FMR1: variants seen among roughly 807,000 people sequenced by gnomAD.
FMR1 encodes the protein fragile X messenger ribonucleoprotein 1.
FMR1 carries 13 observed loss-of-function variants against 50.6 expected under a neutral mutation model. That is an observed-to-expected ratio of 0.26 (90% confidence interval 0.17 to 0.41). The LOEUF (loss-of-function observed/expected upper bound fraction) is 0.41. Among genes scored for constraint, FMR1 ranks in the 10% least tolerant of loss-of-function variants. The pLI is 1.00. For missense variants in FMR1, 316 were observed against 491.3 expected, an observed-to-expected ratio of 0.64 and a Z score of 3.37; for synonymous variants, 138 against 164.1, an observed-to-expected ratio of 0.84 and a Z score of 1.22.
chrX:147,931,245 T>C (rs1200817611), intron 7 of FMR1, among the ~76,000 whole-genome samples: 1 of 111,875 alleles, frequency 8.9e-6, no homozygotes, highest in Non-Finnish European at 1.9e-5. Context: ...TATACTCATA[T>C]GCCTCTTAAA....
intron 1 of FMR1, chrX:147,912,759 G>T: frequency 3.4e-6 from 1 of 297,624 alleles, no homozygotes; most frequent in East Asian, 4.7e-5. Flanking sequence ...CACTGTTCTG[G>T]GCGAGGGCTG....
chrX:147,931,144 T>C (rs1361406580), intron 7 of FMR1, among the ~76,000 whole-genome samples: 7 of 112,006 alleles, frequency 6.2e-5, no homozygotes, highest in African/African-American at 2.3e-4. Context: ...TTGATGTCCC[T>C]GTGTTCATGA....
intron 1 of FMR1, chrX:147,913,364 C>A (rs1001389384): frequency 8.9e-6 from 1 of 112,122 alleles, no homozygotes; most frequent in Non-Finnish European, 1.9e-5. Flanking sequence ...TCTATAAATT[C>A]TCATTTCCTT....
chrX:147,919,165 GTTAC>G (rs782288964), intron 1 of FMR1, among the ~76,000 whole-genome samples: 2 of 111,952 alleles, frequency 1.8e-5, no homozygotes, highest in Admixed American at 9.4e-5. Context: ...TAAGGGGTCA[GTTAC>G]TTCCTAATAG....
intron 9 of FMR1, among the ~76,000 whole-genome samples, 156 bp from the exon 10 acceptor site, chrX:147,936,348 A>G (rs2043788567): frequency 8.9e-6 from 1 of 112,361 alleles, no homozygotes; most frequent in African/African-American, 3.2e-5. Flanking sequence ...CTTGTTGAAA[A>G]GAGTCTCTAC....
chrX:147,919,650 A>G (rs190203242), intron 1 of FMR1, among the ~76,000 whole-genome samples: 47 of 112,542 alleles, frequency 4.2e-4, no homozygotes, highest in African/African-American at 1.5e-3. Flanking sequence ...CACCTTGGGT[A>G]TAGCACAACA....
chrX:147,936,600 T>C lies in FMR1; in HGVS notation c.977T>C (p.Val326Ala). 8.7e-7 allele frequency: 1 copy of C among 1,153,674 alleles called. No individual in the cohort carries two copies. The highest frequency in any genetic ancestry group is 1.2e-6 in the Non-Finnish European group (1 of 842,288). The part of the protein sequence containing the change: ...VRIEAENEKN[V>A]PQEEEIMPPN... ...ATTGAGGCTGAAAATGAGAAAAATG[T>C]TCCACAAGAAGAGGTATGTTACAGT... is the stretch of plus-strand genomic sequence containing the variant. Residue 326 changes from valine (V) to alanine (A), a missense_variant, in exon 10 of 17, where the codon GTT becomes GCT. This residue lies in a region of FMR1 where 53 missense variants were observed against 51.5 expected (regional missense o/e 1.03). Coordinates refer to ENST00000370475, the MANE Select transcript of FMR1 (RefSeq NM_002024.6).
chrX:147,912,394 C>T (rs2042625565), intron 1 of FMR1, among the ~76,000 whole-genome samples, 164 bp downstream of exon 1: 1 of 111,152 alleles, frequency 9.0e-6, no homozygotes, highest in Non-Finnish European at 1.9e-5. Context: ...GACTTGGGGC[C>T]TGTTGGAAGC....
At chrX:147,944,775 G>A (rs2044118077) in intron 14 of FMR1, 94 bp from the exon 15 acceptor site, 3 of 1,133,781 alleles carry the variant, frequency 2.6e-6, no homozygotes, top group Non-Finnish European at 2.3e-6. Context: ...AAGAGTTTTG[G>A]ATTACCCCTG....
rs25700 is a variant in FMR1, at chrX:147,937,673, G to A, written c.1125+73G>A. The A allele has an allele frequency of 0.21, 125,319 of 597,028 alleles. 11,839 individuals carry two copies. The highest frequency in any genetic ancestry group is 0.64 in the East Asian group (19,697 of 30,607). The allele number at this position is 597,028 out of a possible 1,213,427, so 49.2% of individuals were successfully genotyped here. A position where few individuals can be genotyped will look rare whatever the true frequency, so the allele number is the denominator to read the frequency against. ...AGATGTCACAATTGGTATTTTGGAT[G>A]TTTTCTCTGGTTAGACTTGTAGGCT... is the stretch of plus-strand genomic sequence containing the variant. On this transcript the variant is annotated intron_variant, in intron 11 of 16. Transcript: ENST00000370475.
chrX:147,932,107 T>A (rs1289537642), intron 7 of FMR1, among the ~76,000 whole-genome samples: 1 of 112,035 alleles, frequency 8.9e-6, no homozygotes, highest in African/African-American at 3.2e-5. Context: ...ACATTTGACC[T>A]GCTTCTTAGT....
At chrX:147,940,766 C>A in intron 13 of FMR1, 104 bp downstream of exon 13, 1 of 523,159 alleles carries the variant, frequency 1.9e-6, no homozygotes, top group Non-Finnish European at 3.4e-6. Context: ...CTGTGCAAAA[C>A]ACTGTATGAC....
intron 14 of FMR1, 54 bp from the exon 15 acceptor site, chrX:147,944,815 C>CT (rs1557181565): frequency 0.027 from 25,386 of 931,693 alleles, 22 homozygotes; most frequent in Admixed American, 0.036. Flanking sequence ...TGTTAACCCT[C>CT]TTTTTTTTTT....
intron 12 of FMR1, among the ~76,000 whole-genome samples, chrX:147,939,902 CAAA>C (rs782544831): frequency 2.2e-5 from 1 of 45,496 alleles, no homozygotes; most frequent in Non-Finnish European, 4.1e-5. Flanking sequence ...GACCCTGTCT[CAAA>C]AAAAAAAAAA....
rs1557173927 is a variant in FMR1, at chrX:147,912,113, G to GAGGCGGCGGCGGCGGCGGCGGCGGC, written c.-67_-66insAGGCGGCGGCGGCGGCGGCGGCGGC. The GAGGCGGCGGCGGCGGCGGCGGCGGC allele has an allele frequency of 1.3e-6, 1 of 789,276 alleles. No individual in the cohort carries two copies. The highest frequency in any genetic ancestry group is 1.6e-6 in the Non-Finnish European group (1 of 628,711). The allele number at this position is 789,276 out of a possible 1,213,427, so 65.0% of individuals were successfully genotyped here. A position where few individuals can be genotyped will look rare whatever the true frequency, so the allele number is the denominator to read the frequency against. On this transcript the variant is annotated 5_prime_UTR_variant, in exon 1 of 17. Transcript: ENST00000370475. Reference sequence around the variant, plus strand: ...GGCGGCGGCGGCGGCGGCGGCGGCTGGGCCTCGAGCGCCCGCAGCCCACCT... The same window carrying GAGGCGGCGGCGGCGGCGGCGGCGGC: ...GGCGGCGGCGGCGGCGGCGGCGGCTGAGGCGGCGGCGGCGGCGGCGGCGGCGGCCTCGAGCGCCCGCAGCCCACCT...
intron 2 of FMR1, among the ~76,000 whole-genome samples, chrX:147,924,562 A>G (rs1325256800): frequency 3.0e-5 from 3 of 99,909 alleles, no homozygotes; most frequent in African/African-American, 1.1e-4. Flanking sequence ...CCTAGGCTGG[A>G]GTGCAGTGGC....
rs1398410425 is a variant in FMR1, at chrX:147,949,819, G to A, written c.*975G>A. The A allele has an allele frequency of 3.1e-6, 1 of 325,237 alleles. No individual in the cohort carries two copies. The highest frequency in any genetic ancestry group is 9.8e-5 in the East Asian group (1 of 10,198). The allele number at this position is 325,237 out of a possible 1,213,427, so 26.8% of individuals were successfully genotyped here. A position where few individuals can be genotyped will look rare whatever the true frequency, so the allele number is the denominator to read the frequency against. On this transcript the variant is annotated 3_prime_UTR_variant, in exon 17 of 17. Coordinates refer to ENST00000370475, the MANE Select transcript of FMR1 (RefSeq NM_002024.6). ...TTTAATTTTGTCTGCCCCAAGTTTTGTGAAATTTTTCATATTTTAATTTCA... is the reference window on the plus strand; with the variant it reads ...TTTAATTTTGTCTGCCCCAAGTTTTATGAAATTTTTCATATTTTAATTTCA...
At chrX:147,934,852 A>G (rs1185119360) in intron 9 of FMR1, among the ~76,000 whole-genome samples, 2 of 111,712 alleles carry the variant, frequency 1.8e-5, no homozygotes, top group Non-Finnish European at 3.8e-5. Context: ...TCAGTTTTGC[A>G]TGTGTTTTGT....
intron 1 of FMR1, among the ~76,000 whole-genome samples, chrX:147,917,738 G>T (rs1557175520): frequency 9.0e-6 from 1 of 111,418 alleles, no homozygotes; most frequent in East Asian, 2.8e-4. Context: ...CCACCTATGT[G>T]TGTAATTTCA....
Sources: allele counts gnomAD v4.1 joint callset (sites outside exome capture counted in the v4.1 genomes callset), GRCh38; gene constraint gnomAD v4.1.1; regional missense constraint gnomAD v4.1.1; transcripts MANE v1.5; gene names NCBI Gene and HGNC (gene_info 2026-07-23, HGNC 2026-07-21).